BCAS3: variants seen among roughly 807,000 people sequenced by gnomAD.
BCAS3 encodes the protein BCAS4/BCAS3 fusion.
In BCAS3, 53 loss-of-function variants were observed where a neutral mutation model predicts 116.1. The observed-to-expected ratio is 0.46, with a 90% CI of 0.37 to 0.57. BCAS3 has a LOEUF of 0.57. Among genes scored for constraint, BCAS3 ranks in the 20% least tolerant of loss-of-function variants. The probability of loss-of-function intolerance (pLI) is 0.00; values close to 1 mark genes in which losing one functional copy is unlikely to be tolerated. For synonymous variants in BCAS3, 391 were observed against 408.2 expected, an observed-to-expected ratio of 0.96 and a Z score of 0.51; for missense variants, 917 against 1,165.4, an observed-to-expected ratio of 0.79 and a Z score of 3.10.
At chr17:60,851,795 T>A (rs2053193408) in intron 7 of BCAS3, 1 of 1,193,566 alleles carries the variant, frequency 8.4e-7, no homozygotes, top group Admixed American at 1.7e-5. Flanking sequence ...TCTTGTACAA[T>A]CCAGAGGAAT....
chr17:61,250,783 A>G (rs2048312477), intron 22 of BCAS3, among the ~76,000 whole-genome samples: 1 of 152,180 alleles, frequency 6.6e-6, no homozygotes, highest in Non-Finnish European at 1.5e-5. Flanking sequence ...GTTACTGCCC[A>G]CCTTGGCTTC....
At chr17:61,160,032 T>C (rs867665676) in intron 22 of BCAS3, among the ~76,000 whole-genome samples, 3 of 152,006 alleles carry the variant, frequency 2.0e-5, no homozygotes. Context: ...GCTGGTATCT[T>C]TGATTTAAAT....
intron 10 of BCAS3, among the ~76,000 whole-genome samples, chr17:60,892,195 G>T (rs2057199987): frequency 6.6e-6 from 1 of 152,020 alleles, no homozygotes; most frequent in Non-Finnish European, 1.5e-5. Flanking sequence ...TCGAATGGTA[G>T]TTCTATTTTT....
At chr17:61,158,744 T>C (rs2078003061) in intron 22 of BCAS3, among the ~76,000 whole-genome samples, 1 of 152,160 alleles carries the variant, frequency 6.6e-6, no homozygotes, top group African/African-American at 2.4e-5. Context: ...GATTTCGATT[T>C]CATTGGAAAG....
intron 22 of BCAS3, among the ~76,000 whole-genome samples, chr17:61,193,641 C>G (rs753462672): frequency 1.1e-4 from 16 of 151,318 alleles, no homozygotes; most frequent in South Asian, 8.3e-4. Flanking sequence ...CCTGTAATCC[C>G]AGCTACTCTG....
At chr17:60,865,741 CTTTAAA>C (rs1287086056) in intron 7 of BCAS3, among the ~76,000 whole-genome samples, 8 of 151,922 alleles carry the variant, frequency 5.3e-5, no homozygotes, top group African/African-American at 1.9e-4. Context: ...AATCTGGATG[CTTTAAA>C]TTTATTTATC....
intron 22 of BCAS3, among the ~76,000 whole-genome samples, chr17:61,238,243 A>T (rs2083219783): frequency 8.0e-6 from 1 of 125,242 alleles, no homozygotes; most frequent in African/African-American, 3.1e-5. Flanking sequence ...TTTTTTTGAG[A>T]TGGAGTTTCG....
rs938253715 is a variant in BCAS3 at position 60,987,108 on chromosome 17, T to C, written c.1222-2863T>C. 2.0e-5 allele frequency: 3 copies of C among 152,296 alleles called. No homozygotes were observed. The South Asian group carries it at 6.2e-4, about 32-fold the overall frequency. 9.4% of individuals were successfully genotyped at this position (152,296 alleles called of 1,614,324 possible). A position where few individuals can be genotyped will look rare whatever the true frequency, so the allele number is the denominator to read the frequency against. On this transcript the variant is annotated intron_variant, in intron 14 of 23. Transcript: ENST00000407086. ...GAGACTATGTTTCCCCAATATATGT[T>C]ATTGACGTCTTTGTTGAAAATGAGT...
chr17:61,022,896 G>A (rs142780632), intron 16 of BCAS3, among the ~76,000 whole-genome samples: 464 of 152,234 alleles, frequency 3.0e-3, no homozygotes, highest in Non-Finnish European at 5.0e-3. Context: ...GCCTCCCAAA[G>A]TGCTGGAATT....
chr17:61,226,997 A>T lies in BCAS3; in HGVS notation c.2426-141330A>T, dbSNP rs2082402985. Among the ~76,000 whole-genome samples the T allele has an allele frequency of 6.6e-6, 1 of 152,178 alleles. No homozygotes were observed. Among genetic ancestry groups the T allele is most frequent in the African/African-American group, 2.4e-5 (1 of 41,440 alleles). ...GTGGGCCTTCCTGATGGGACCCTCG[A>T]GGGAGGAGAGGATGGAGACTGGGAG... On this transcript the variant is annotated intron_variant, in intron 22 of 23. Coordinates refer to ENST00000407086, the MANE Select transcript of BCAS3 (RefSeq NM_017679.5). This position sits in a 1 kb window ranked among gnomAD's most constrained non-coding sequence, Gnocchi z 6.0.
chr17:60,726,096 T>C (rs2039811362), intron 5 of BCAS3, among the ~76,000 whole-genome samples: 1 of 149,498 alleles, frequency 6.7e-6, no homozygotes, highest in Non-Finnish European at 1.5e-5. Context: ...GGTTTCTCCA[T>C]GTTGGTCAGG....
At chr17:60,947,126 G>T in intron 13 of BCAS3, 93 bp from the exon 14 acceptor site, 7 of 1,250,670 alleles carry the variant, frequency 5.6e-6, no homozygotes, top group South Asian at 4.8e-5. Context: ...TTTTCCCATT[G>T]GTAATATTTT....
At chr17:61,290,942 G>A (rs530879270) in intron 22 of BCAS3, among the ~76,000 whole-genome samples, 10 of 152,170 alleles carry the variant, frequency 6.6e-5, no homozygotes, top group African/African-American at 1.4e-4. Context: ...CACCACGCCC[G>A]GCTAATTTTT....
At chr17:61,269,964 T>G (rs1602313284) in intron 22 of BCAS3, among the ~76,000 whole-genome samples, 1 of 152,110 alleles carries the variant, frequency 6.6e-6, no homozygotes, top group Non-Finnish European at 1.5e-5. Flanking sequence ...CCACCACGCC[T>G]GGCTAAATTT....
intron 4 of BCAS3, among the ~76,000 whole-genome samples, chr17:60,702,134 A>G (rs1479041564): frequency 6.6e-6 from 1 of 152,248 alleles, no homozygotes; most frequent in Non-Finnish European, 1.5e-5. Context: ...GTAATCATGT[A>G]AACGTATAGA....
intron 9 of BCAS3, among the ~76,000 whole-genome samples, chr17:60,881,100 G>T: frequency 6.6e-6 from 1 of 151,922 alleles, no homozygotes; most frequent in South Asian, 2.1e-4. Context: ...TCAGCTTCCC[G>T]AGTAGCTGGG....
At chr17:61,360,646 C>T (rs2058405143) in intron 22 of BCAS3, among the ~76,000 whole-genome samples, 1 of 152,162 alleles carries the variant, frequency 6.6e-6, no homozygotes, top group African/African-American at 2.4e-5. Flanking sequence ...CCTCTTTTCT[C>T]TTTTAAGGAC....
rs77223893 is a variant in BCAS3 at position 60,800,741 on chromosome 17, C to G, written c.404-7263C>G. Among the ~76,000 whole-genome samples the G allele has an allele frequency of 5.0e-3, 765 of 152,028 alleles. 5 individuals are homozygous for G. The highest frequency in any genetic ancestry group is 0.017 in the African/African-American group (694 of 41,472). On this transcript the variant is annotated intron_variant, in intron 6 of 23. Coordinates refer to ENST00000407086, the MANE Select transcript of BCAS3 (RefSeq NM_017679.5). ...ATAGTTTTACATTTAAATCTGTGATCAATTTTGTGTTAATTTGGGGTAAAT... is the reference window on the plus strand; with the variant it reads ...ATAGTTTTACATTTAAATCTGTGATGAATTTTGTGTTAATTTGGGGTAAAT...
chr17:60,807,373 G>A (rs529275075), intron 6 of BCAS3, among the ~76,000 whole-genome samples: 5 of 151,994 alleles, frequency 3.3e-5, no homozygotes, highest in South Asian at 2.1e-4. Flanking sequence ...ATTTAGTTTC[G>A]ACATCAATAT....
Sources: allele counts gnomAD v4.1 joint callset (sites outside exome capture counted in the v4.1 genomes callset), GRCh38; gene constraint gnomAD v4.1.1; non-coding constraint Gnocchi (gnomAD v3.1); transcripts MANE v1.5; gene names NCBI Gene and HGNC (gene_info 2026-07-23, HGNC 2026-07-21).